The following CDH12 variants were observed in gnomAD, a reference collection of about 807,000 sequenced individuals.
CDH12 encodes cadherin-12.
In CDH12, 41 loss-of-function variants were observed where a neutral mutation model predicts 74.1. That is an observed-to-expected ratio of 0.55 (90% CI 0.43 to 0.72). The LOEUF (loss-of-function observed/expected upper bound fraction) is 0.72, where lower values mean the gene tolerates loss of function less well. CDH12 is among the 30% of genes least tolerant of loss of function. The pLI is 0.00. For missense variants in CDH12, 945 were observed against 977.2 expected, an observed-to-expected ratio of 0.97 and a Z score of 0.44; for synonymous variants, 399 against 355.0, an observed-to-expected ratio of 1.12 and a Z score of -1.39.
chr5:22,787,834 G>A (rs555178670), intron 1 of CDH12, among the ~76,000 whole-genome samples: 19 of 152,226 alleles, frequency 1.2e-4, no homozygotes, highest in East Asian at 1.9e-4. Flanking sequence ...AGGCCAGTTC[G>A]AAACATGGCA....
chr5:22,742,856 A>G (rs1034561416), intron 1 of CDH12, among the ~76,000 whole-genome samples: 2 of 151,980 alleles, frequency 1.3e-5, no homozygotes, highest in African/African-American at 4.8e-5. Context: ...ACTGGGCCAC[A>G]GGGTGCCTAG....
intron 3 of CDH12, among the ~76,000 whole-genome samples, chr5:22,270,955 G>A (rs190546229): frequency 3.0e-4 from 45 of 152,184 alleles, no homozygotes; most frequent in African/African-American, 1.1e-3. Context: ...TTACAGATGT[G>A]AGCCACCACG....
At chr5:22,679,918 G>A (rs1554058494) in intron 1 of CDH12, among the ~76,000 whole-genome samples, 1 of 152,098 alleles carries the variant, frequency 6.6e-6, no homozygotes, top group African/African-American at 2.4e-5. Context: ...GTAGAGGTCT[G>A]ATATAACACC....
chr5:22,212,129 T>G (rs1751579068), intron 4 of CDH12: 1 of 152,072 alleles, frequency 6.6e-6, no homozygotes, highest in Admixed American at 6.6e-5. Flanking sequence ...TCCATCTGAT[T>G]TAACTTTGAA....
chr5:22,619,070 T>C (rs908478341), intron 1 of CDH12, among the ~76,000 whole-genome samples: 2 of 152,086 alleles, frequency 1.3e-5, no homozygotes, highest in East Asian at 1.9e-4. Flanking sequence ...TAAGAACAGA[T>C]GAATACACCT....
chr5:21,999,475 C>T lies in CDH12; in HGVS notation c.232-24090G>A, dbSNP rs192565491. 4.6e-5 allele frequency among the ~76,000 whole-genome samples: 7 copies of T among 152,292 alleles called. No individual in the cohort carries two copies. In the East Asian group the frequency reaches 1.4e-3, roughly 29 times the overall value. On this transcript the variant is annotated intron_variant, in intron 5 of 14. Coordinates refer to ENST00000382254, the MANE Select transcript of CDH12 (RefSeq NM_004061.5). ...CTATCAGTTAACACTGCACTATTTT[C>T]ACAAGAAATATGATTTGATCTGAGA... is the stretch of plus-strand genomic sequence containing the variant.
chr5:22,433,154 C>T (rs1744241225), intron 2 of CDH12, among the ~76,000 whole-genome samples: 1 of 152,076 alleles, frequency 6.6e-6, no homozygotes, highest in African/African-American at 2.4e-5. Flanking sequence ...CTGTGCTCAG[C>T]CCTGTGTTTT....
intron 1 of CDH12, among the ~76,000 whole-genome samples, chr5:22,723,044 C>T (rs1743979270): frequency 6.6e-6 from 1 of 152,138 alleles, no homozygotes; most frequent in Non-Finnish European, 1.5e-5. Context: ...AGCAATATAA[C>T]TCAATATGTC....
intron 5 of CDH12, among the ~76,000 whole-genome samples, chr5:22,058,768 A>AAGGGAGGG (rs201497539): frequency 7.1e-6 from 1 of 140,446 alleles, no homozygotes; most frequent in African/African-American, 2.6e-5. Flanking sequence ...GGAAGGAAGG[A>AAGGGAGGG]AGGGAGGGAG....
At chr5:22,846,427 C>T (rs565442301) in intron 1 of CDH12, among the ~76,000 whole-genome samples, 27 of 152,174 alleles carry the variant, frequency 1.8e-4, no homozygotes, top group African/African-American at 6.3e-4. Context: ...GATGAGTGGG[C>T]CTATGATGGT....
chr5:22,771,422 G>T (rs534659163), intron 1 of CDH12, among the ~76,000 whole-genome samples: 3 of 152,046 alleles, frequency 2.0e-5, no homozygotes, highest in African/African-American at 4.8e-5. Flanking sequence ...AAAGCCCATT[G>T]TATCAGATCT....
intron 6 of CDH12, among the ~76,000 whole-genome samples, chr5:21,946,780 T>C (rs868177289): frequency 6.6e-6 from 1 of 152,330 alleles, no homozygotes. Flanking sequence ...GTGGCAATGA[T>C]GGTGTAAACA....
intron 3 of CDH12, among the ~76,000 whole-genome samples, chr5:22,345,314 C>T (rs1270368922): frequency 6.6e-6 from 1 of 152,134 alleles, no homozygotes; most frequent in Non-Finnish European, 1.5e-5. Context: ...AGTCTTTTCC[C>T]TGTCCTGTAA....
At chr5:22,320,709 T>C (rs1022662283) in intron 3 of CDH12, among the ~76,000 whole-genome samples, 3 of 152,240 alleles carry the variant, frequency 2.0e-5, no homozygotes, top group Admixed American at 6.5e-5. Flanking sequence ...TCTCTCAGTA[T>C]GATTTAGCCT....
intron 5 of CDH12, among the ~76,000 whole-genome samples, chr5:21,989,571 C>T (rs1205006859): frequency 2.0e-5 from 3 of 152,054 alleles, no homozygotes; most frequent in East Asian, 1.9e-4. Flanking sequence ...TCTGTACCCC[C>T]CATTGCCTCT....
At chr5:22,461,587 G>A (rs1208416440) in intron 2 of CDH12, among the ~76,000 whole-genome samples, 1 of 151,750 alleles carries the variant, frequency 6.6e-6, no homozygotes, top group African/African-American at 2.4e-5. Context: ...ACAGAATAAT[G>A]TGTATATGAA....
chr5:22,206,541 G>C (rs1292199876), intron 4 of CDH12, among the ~76,000 whole-genome samples: 1 of 151,722 alleles, frequency 6.6e-6, no homozygotes, highest in Non-Finnish European at 1.5e-5. Flanking sequence ...AACCCACTAA[G>C]GTTTGACTTG....
chr5:21,775,863 T>A (rs1441616730), intron 11 of CDH12, among the ~76,000 whole-genome samples: 1 of 152,106 alleles, frequency 6.6e-6, no homozygotes, highest in Non-Finnish European at 1.5e-5. Context: ...TGGTTTCTAA[T>A]TTTTTCTCTT....
intron 1 of CDH12, among the ~76,000 whole-genome samples, chr5:22,740,895 A>G (rs1409562786): frequency 2.6e-5 from 4 of 152,168 alleles, no homozygotes; most frequent in African/African-American, 4.8e-5. Context: ...AAAGTAATGC[A>G]TTAAATGAAC....
Sources: allele counts gnomAD v4.1 joint callset (sites outside exome capture counted in the v4.1 genomes callset), GRCh38; gene constraint gnomAD v4.1.1; transcripts MANE v1.5; gene names NCBI Gene and HGNC (gene_info 2026-07-23, HGNC 2026-07-21).